Variants in KIF21B observed in about 807,000 individuals in gnomAD.
KIF21B encodes the protein kinesin family member 21B.
KIF21B carries 85 observed loss-of-function variants against 192.9 expected under a neutral mutation model. The ratio of observed to expected loss-of-function variants is 0.44; its 90% confidence interval spans 0.37 to 0.53. KIF21B has a LOEUF of 0.53. Among genes scored for constraint, KIF21B ranks in the 20% least tolerant of loss-of-function variants. The pLI is 0.00. For synonymous variants in KIF21B, 832 were observed against 884.6 expected (o/e 0.94, Z 1.05); for missense variants, 1,716 against 2,194.8 (o/e 0.78, Z 4.36).
chr1:200,985,413 G>A (rs1042888556), intron 26 of KIF21B, among the ~76,000 whole-genome samples: 6 of 152,274 alleles, frequency 3.9e-5, no homozygotes, highest in Admixed American at 2.0e-4. Flanking sequence ...GCTTGAGCCT[G>A]GGAGGTGGAG....
chr1:200,973,977 A>C, intron 34 of KIF21B: 9 of 1,548,526 alleles, frequency 5.8e-6, no homozygotes, highest in Non-Finnish European at 6.1e-6. Flanking sequence ...AGGGAAAGGA[A>C]GAAGAAGGAG....
chr1:200,976,957 G>T, intron 31 of KIF21B, 64 bp from the exon 32 acceptor site: 2 of 1,275,232 alleles, frequency 1.6e-6, no homozygotes, highest in Non-Finnish European at 2.2e-6. Flanking sequence ...TTGGGGTGGG[G>T]TGTCTGCCCC....
In KIF21B at chr1:201,017,240, A is replaced by C. The variant is rs910657363; in HGVS notation, c.41+6103T>G. Among the ~76,000 whole-genome samples, 2 of 152,130 alleles carry C rather than the reference A, an allele frequency of 1.3e-5. No homozygotes were observed. The highest frequency in any genetic ancestry group is 4.8e-5 in the African/African-American group (2 of 41,398). On this transcript the variant is annotated intron_variant, in intron 1 of 34. Transcript: ENST00000461742. The surrounding 1 kb of genome is among the most constrained non-coding windows in gnomAD (Gnocchi z 4.1). ...AGGAGAGTGGGGTGAAATGCCAGGGAGCAGGGATGTGCAGGAGGAGCTGAA... is the reference window on the plus strand; with the variant it reads ...AGGAGAGTGGGGTGAAATGCCAGGGCGCAGGGATGTGCAGGAGGAGCTGAA...
chr1:200,974,269 A>G, intron 34 of KIF21B: 1 of 1,476,354 alleles, frequency 6.8e-7, no homozygotes, highest in Non-Finnish European at 9.1e-7. Flanking sequence ...GAAGGGACAA[A>G]GTCGGAACAA....
chr1:200,996,465 G>A, intron 14 of KIF21B, 70 bp from the exon 15 acceptor site: 3 of 1,388,926 alleles, frequency 2.2e-6, no homozygotes, highest in Admixed American at 3.4e-5. Flanking sequence ...GGGTCATCAA[G>A]GGGGAACGCA....
intron 1 of KIF21B, among the ~76,000 whole-genome samples, chr1:201,013,929 C>A (rs1416353025): frequency 6.6e-6 from 1 of 152,224 alleles, no homozygotes; most frequent in East Asian, 1.9e-4. Context: ...ACTCCAGGCC[C>A]CACCCCTCCA....
rs918442506 is a variant in KIF21B at position 200,998,945 on chromosome 1, G to C, written c.1886-370C>G. On this transcript the variant is annotated intron_variant, in intron 13 of 34. Coordinates refer to ENST00000461742, the MANE Select transcript of KIF21B (RefSeq NM_001252102.2). The surrounding 1 kb of genome is among the most constrained non-coding windows in gnomAD (Gnocchi z 4.3). ...GCCAGGGCTGGCAGCAGGCAGGGCT[G>C]AAGGGGCAGGCATCTCCATTTAGAG... Among the ~76,000 whole-genome samples, 1 of 152,172 alleles carries C rather than the reference G, an allele frequency of 6.6e-6. No individual in the cohort carries two copies. Among genetic ancestry groups the C allele is most frequent in the African/African-American group, 2.4e-5 (1 of 41,438 alleles).
chr1:200,973,484 G>A lies in KIF21B; in HGVS notation c.*37C>T, dbSNP rs1440235419. ...CCCTTCCATGGTGTCCAGGCTGCTGGGGTCGAGGGTCCGGGGGCATCCCTC... is the reference window on the plus strand; with the variant it reads ...CCCTTCCATGGTGTCCAGGCTGCTGAGGTCGAGGGTCCGGGGGCATCCCTC... On this transcript the variant is annotated 3_prime_UTR_variant, in exon 35 of 35. Coordinates refer to ENST00000461742, the MANE Select transcript of KIF21B (RefSeq NM_001252102.2). 1 of 1,415,366 alleles carries A rather than the reference G, an allele frequency of 7.1e-7. No homozygotes were observed. Among genetic ancestry groups the A allele is most frequent in the Admixed American group, 3.4e-5 (1 of 29,276 alleles). 87.7% of individuals were successfully genotyped at this position (1,415,366 alleles called of 1,614,324 possible). A position where few individuals can be genotyped will look rare whatever the true frequency, so the allele number is the denominator to read the frequency against.
rs1656333678 is a variant in KIF21B at position 200,986,851 on chromosome 1, G to A, written c.3682C>T (p.Pro1228Ser). 3 of 1,612,888 alleles carry A rather than the reference G, an allele frequency of 1.9e-6. No individual in the cohort carries two copies. The Admixed American group carries it at 5.0e-5, about 27-fold the overall frequency. ...TRRKSYDRGQ[P>S]IRSTDVGFTP... is the part of the protein sequence containing the mutation. ...TCTAGAACATGATCTCACCTAATGG[G>A]CTGCCCTCGGTCGTAGGACTTCCTT... is the stretch of plus-strand genomic sequence containing the variant. The change falls in exon 26 of 35, where the codon CCC becomes TCC. Residue 1228 changes from proline to serine, a missense_variant. Coordinates refer to ENST00000461742, the MANE Select transcript of KIF21B (RefSeq NM_001252102.2).
Position 200,998,695 on chromosome 1 carries a change from G to C in KIF21B, c.1886-120C>G. ...GTCAGCCATGACCAATCAGTGACCA[G>C]AGACTGGGCAAAATGATAAATCCTA... On this transcript the variant is annotated intron_variant, in intron 13 of 34. Transcript: ENST00000461742. The surrounding 1 kb of genome is among the most constrained non-coding windows in gnomAD (Gnocchi z 4.3). The C allele has an allele frequency of 2.6e-6, 2 of 778,264 alleles. No individual in the cohort carries two copies. Among genetic ancestry groups the C allele is most frequent in the South Asian group, 1.7e-5 (1 of 59,522 alleles). The allele number at this position is 778,264 out of a possible 1,614,324, so 48.2% of individuals were successfully genotyped here.
intron 22 of KIF21B, 71 bp downstream of exon 22, chr1:200,988,695 T>C: frequency 1.3e-6 from 2 of 1,549,672 alleles, no homozygotes; most frequent in African/African-American, 1.4e-5. Flanking sequence ...AGTGAGGGCC[T>C]TGTGGGGGTC....
rs758645553 is a variant in KIF21B, at chr1:200,999,404, C to T, written c.1830G>A (p.Glu610=). Residue 610 remains glutamate, a synonymous_variant, in exon 13 of 35, where the codon GAG becomes GAA. Coordinates refer to ENST00000461742, the MANE Select transcript of KIF21B (RefSeq NM_001252102.2). This position sits in a 1 kb window ranked among gnomAD's most constrained non-coding sequence, Gnocchi z 4.7. ...CCAGGCTCTCTTCACTGCCCGAGTC[C>T]TCATCTTCATCCTCGCGCCCTTCCT... ...EEEEGREDED[E]DSGSEESLVD... 1.5e-5 allele frequency: 24 copies of T among 1,614,180 alleles called. No homozygotes were observed. Among genetic ancestry groups the T allele is most frequent in the Non-Finnish European group, 1.9e-5 (23 of 1,180,028 alleles).
At chr1:201,004,728 G>T in intron 6 of KIF21B, 38 bp downstream of exon 6, 1 of 1,613,032 alleles carries the variant, frequency 6.2e-7, no homozygotes, top group Non-Finnish European at 8.5e-7. Flanking sequence ...AGACTGAGCT[G>T]TGTGGGTGCT....
Position 201,000,392 on chromosome 1 carries a change from C to T in KIF21B, c.1683G>A (p.Lys561=). 6.4e-7 allele frequency: 1 copy of T among 1,552,314 alleles called. No individual in the cohort carries two copies. Among genetic ancestry groups the T allele is most frequent in the East Asian group, 2.2e-5 (1 of 44,518 alleles). ...GGCGGGGACGACACTCCACTCACCTCTTCCTCCGCTGCCTGACCTCCTTCT... is the reference window on the plus strand; with the variant it reads ...GGCGGGGACGACACTCCACTCACCTTTTCCTCCGCTGCCTGACCTCCTTCT... ...LKKKEVRQRR[K]SPEKEAFKKR... Residue 561 remains lysine, a splice_region_variant and synonymous_variant, in exon 11 of 35, where the codon AAG becomes AAA. Coordinates refer to ENST00000461742, the MANE Select transcript of KIF21B (RefSeq NM_001252102.2). This position sits in a 1 kb window ranked among gnomAD's most constrained non-coding sequence, Gnocchi z 6.0.
Position 200,988,329 on chromosome 1 carries a change from T to C in KIF21B, c.3375A>G (p.Lys1125=). 1 of 1,614,090 alleles carries C rather than the reference T, an allele frequency of 6.2e-7. No homozygotes were observed. Among genetic ancestry groups the C allele is most frequent in the Non-Finnish European group, 8.5e-7 (1 of 1,179,996 alleles). ...TGAAATCGTCATGGCTGGTGGAGCC[T>C]TTCATGGTGAATGACTGGGAGAAGC... ...EGSFSQSFTM[K]GSTSHDDFKF... Residue 1125 remains lysine (K), a synonymous_variant, in exon 24 of 35, where the codon AAA becomes AAG. Transcript: ENST00000461742.
intron 1 of KIF21B, among the ~76,000 whole-genome samples, chr1:201,009,959 G>C (rs1658135699): frequency 6.6e-6 from 1 of 152,222 alleles, no homozygotes; most frequent in Non-Finnish European, 1.5e-5. Flanking sequence ...CGTCAGGGGA[G>C]AGAAGGCGGC....
chr1:201,022,971 T>C (rs1658936929), intron 1 of KIF21B, among the ~76,000 whole-genome samples: 1 of 152,234 alleles, frequency 6.6e-6, no homozygotes, highest in Non-Finnish European at 1.5e-5. Context: ...AATTTCCCTC[T>C]CTGGTATCCC....
At chr1:200,977,838 G>C (rs1187715957) in intron 30 of KIF21B, among the ~76,000 whole-genome samples, 1 of 140,698 alleles carries the variant, frequency 7.1e-6, no homozygotes, top group Non-Finnish European at 1.5e-5. Flanking sequence ...GGGTTCAAGC[G>C]ATTCTCCTGC....
intron 8 of KIF21B, 146 bp from the exon 9 acceptor site, chr1:201,002,496 A>G (rs1407224363): frequency 1.5e-6 from 1 of 672,032 alleles, no homozygotes; most frequent in Non-Finnish European, 2.5e-6. Context: ...CAGGTTTCCT[A>G]AAACACAGCT....
Sources: allele counts gnomAD v4.1 joint callset (sites outside exome capture counted in the v4.1 genomes callset), GRCh38; gene constraint gnomAD v4.1.1; non-coding constraint Gnocchi (gnomAD v3.1); transcripts MANE v1.5; gene names NCBI Gene and HGNC (gene_info 2026-07-23, HGNC 2026-07-21).